Variants in CNBD2 observed in about 807,000 individuals in gnomAD.
CNBD2 encodes the protein cyclic nucleotide-binding domain-containing protein 2.
A neutral mutation model predicts 63.7 loss-of-function variants in CNBD2; 64 were observed. The ratio of observed to expected loss-of-function variants is 1.00; its 90% CI spans 0.82 to 1.24. The LOEUF (loss-of-function observed/expected upper bound fraction) is 1.24. Among genes scored for constraint, CNBD2 ranks in the 50% most tolerant of loss-of-function variants. CNBD2 has a pLI of 0.00. For missense variants in CNBD2, 691 were observed against 713.5 expected (o/e 0.97, Z 0.36); for synonymous variants, 229 against 255.4 (o/e 0.90, Z 0.99).
intron 8 of CNBD2, among the ~76,000 whole-genome samples, chr20:36,004,340 C>T (rs1192068801): frequency 3.9e-5 from 6 of 152,132 alleles, no homozygotes; most frequent in African/African-American, 1.2e-4. Flanking sequence ...CTATGCAGCT[C>T]TCTTCTCTCT....
At chr20:35,956,963 A>C (rs185201690), downstream of CNBD2, among the ~76,000 whole-genome samples, 156 of 152,306 alleles carry the variant, frequency 1.0e-3, 1 homozygote, top group East Asian at 1.9e-4. Flanking sequence ...AGGTTGGAAC[A>C]CTGGTGGGGG....
intron 2 of CNBD2, among the ~76,000 whole-genome samples, chr20:35,975,394 G>T (rs1241577297): frequency 9.1e-6 from 1 of 110,020 alleles, no homozygotes; most frequent in Non-Finnish European, 1.9e-5. Flanking sequence ...TCCGCCTCCC[G>T]GGTTCACGCC....
chr20:35,976,699 C>A (rs1338342529), intron 3 of CNBD2, among the ~76,000 whole-genome samples: 1 of 152,158 alleles, frequency 6.6e-6, no homozygotes, highest in African/African-American at 2.4e-5. Flanking sequence ...ATCTTCTTGG[C>A]TTCTCTCCAT....
chr20:36,011,761 A>G (rs2057064648), intron 10 of CNBD2, among the ~76,000 whole-genome samples: 1 of 152,230 alleles, frequency 6.6e-6, no homozygotes, highest in African/African-American at 2.4e-5. Flanking sequence ...TTTTTTTAAA[A>G]AGAAAAACCT....
At chr20:35,961,814 TCTC>T (rs918356125) in intron 2 of CNBD2, among the ~76,000 whole-genome samples, 9 of 152,104 alleles carry the variant, frequency 5.9e-5, no homozygotes, top group Admixed American at 1.3e-4. Context: ...GGTTTAGCCC[TCTC>T]CTCTTCCGAT....
chr20:35,990,621 C>G (rs538279729), intron 7 of CNBD2, among the ~76,000 whole-genome samples: 1 of 148,592 alleles, frequency 6.7e-6, no homozygotes, highest in Non-Finnish European at 1.5e-5. Flanking sequence ...GAATGAGACT[C>G]CATCTCAAAA....
intron 8 of CNBD2, among the ~76,000 whole-genome samples, chr20:36,006,035 C>CT (rs999690758): frequency 7.7e-4 from 110 of 143,150 alleles, no homozygotes; most frequent in Middle Eastern, 3.5e-3. Context: ...TTTTTTTTTT[C>CT]TTTTTTTTTT....
intron 11 of CNBD2, among the ~76,000 whole-genome samples, chr20:36,028,696 GACGGAGTCT>G (rs2057309897): frequency 1.3e-5 from 1 of 76,604 alleles, no homozygotes; most frequent in Non-Finnish European, 2.1e-5. Context: ...TTTTTTTTGG[GACGGAGTCT>G]CACTCTGTCG....
chr20:36,002,242 C>T (rs2487689), intron 8 of CNBD2, among the ~76,000 whole-genome samples: 5,409 of 151,554 alleles, frequency 0.036, 337 homozygotes, highest in African/African-American at 0.12. Flanking sequence ...CAAAAAAATA[C>T]GAAAACCAGT....
intron 10 of CNBD2, among the ~76,000 whole-genome samples, chr20:36,013,244 G>C (rs6058392): frequency 1 from 152,183 of 152,184 alleles, 76,091 homozygotes; most frequent in Middle Eastern, 1. Context: ...TGATGAAACC[G>C]CGTCTCTACT....
At chr20:36,013,421 AAAAG>A (rs376660658) in intron 10 of CNBD2, among the ~76,000 whole-genome samples, 21 of 152,320 alleles carry the variant, frequency 1.4e-4, no homozygotes, top group African/African-American at 3.6e-4. Context: ...CCATCTCAAA[AAAAG>A]AAAAAAGAAA....
In CNBD2 at chr20:35,984,066, C is replaced by T; in HGVS notation, c.492C>T (p.Thr164=). 1 of 1,614,112 alleles carries T rather than the reference C, an allele frequency of 6.2e-7. No homozygotes were observed. The highest frequency in any genetic ancestry group is 1.3e-5 in the African/African-American group (1 of 75,032). Residue 164 remains threonine (T), a synonymous_variant, in exon 5 of 12, where the codon ACC becomes ACT. Transcript: ENST00000373973. The stretch of plus-strand genomic sequence containing the variant: ...TCTACCTGGGCACAGTTGCAATAAC[C>T]AAGGACGAGGATGGCAGCAGTGCCT... The part of the protein sequence containing the change: ...YFIYLGTVAI[T]KDEDGSSAFL...
intron 9 of CNBD2, among the ~76,000 whole-genome samples, chr20:36,010,178 G>A (rs1002052322): frequency 1.3e-5 from 2 of 152,102 alleles, no homozygotes; most frequent in Non-Finnish European, 2.9e-5. Flanking sequence ...GCCCAGAGCA[G>A]CACAGCCCCC....
chr20:36,030,482 G>C lies in CNBD2; in HGVS notation c.1565G>C (p.Arg522Thr), dbSNP rs1464720629. ...TTCACTCCAAACCGGCCCAAGAAGA[G>C]AGAGATCTACAACCCTAAGTCTGTG... ...QLFTPNRPKK[R>T]EIYNPKSVVL... Residue 522 changes from arginine (R) to threonine (T), a missense_variant, in exon 12 of 12, where the codon AGA (arginine) becomes ACA (threonine). By Grantham distance (71) the Arg-to-Thr change is moderately conservative. Transcript: ENST00000373973. The C allele has an allele frequency of 1.2e-6, 2 of 1,613,618 alleles. No homozygotes were observed. Among genetic ancestry groups the C allele is most frequent in the Non-Finnish European group, 1.7e-6 (2 of 1,179,844 alleles).
At chr20:36,007,622 A>G (rs1234422279) in intron 8 of CNBD2, among the ~76,000 whole-genome samples, 1 of 152,128 alleles carries the variant, frequency 6.6e-6, no homozygotes, top group Non-Finnish European at 1.5e-5. Flanking sequence ...TCCTGGGCTC[A>G]TGCAATCCTT....
downstream of CNBD2, among the ~76,000 whole-genome samples, chr20:35,956,061 T>G (rs1368904068): frequency 6.6e-6 from 1 of 152,206 alleles, no homozygotes; most frequent in African/African-American, 2.4e-5. Flanking sequence ...AAGGGGAAAC[T>G]GAGGCCCTCA....
Position 35,980,489 on chromosome 20 carries a change from A to G in CNBD2, c.274A>G (p.Met92Val), listed in dbSNP as rs773590610. ...CTTTCCTCCAAAGGCCATTCAGATC[A>G]TGCAGAAGAAGCCTTCCTGGAGAAC... ...GHFPPKAIQI[M>V]QKKPSWRTED... The change falls in exon 4 of 12, where the codon ATG (methionine) becomes GTG (valine). Residue 92 changes from methionine (M) to valine (V), a missense_variant. By Grantham distance (21) the Met-to-Val change is conservative. Coordinates refer to ENST00000373973, the MANE Select transcript of CNBD2 (RefSeq NM_001365709.1). 3 of 1,614,082 alleles carry G rather than the reference A, an allele frequency of 1.9e-6. No homozygotes were observed. Among genetic ancestry groups the G allele is most frequent in the Admixed American group, 1.7e-5 (1 of 60,010 alleles).
intron 7 of CNBD2, among the ~76,000 whole-genome samples, chr20:35,993,136 C>A (rs2056770954): frequency 6.7e-6 from 1 of 149,894 alleles, no homozygotes; most frequent in South Asian, 2.1e-4. Flanking sequence ...CCTGCAGTTC[C>A]CCTATAGCTC....
chr20:36,009,267 T>A (rs112683658), intron 9 of CNBD2, among the ~76,000 whole-genome samples: 3 of 151,360 alleles, frequency 2.0e-5, no homozygotes, highest in African/African-American at 4.8e-5. Context: ...AGTGGCGCGA[T>A]CTCTGCTCAC....
Sources: gnomAD v4.1 joint callset for allele counts (sites outside exome capture counted in the v4.1 genomes callset) on GRCh38, gnomAD v4.1.1 for gene constraint, MANE v1.5 for transcripts, NCBI Gene and HGNC (gene_info 2026-07-23, HGNC 2026-07-21) for gene names.